HS3ST4: variants seen among roughly 807,000 people sequenced by gnomAD.
The protein encoded by HS3ST4 is heparan sulfate-glucosamine 3-sulfotransferase 4.
HS3ST4 carries 17 observed loss-of-function variants against 29.2 expected under a neutral mutation model. The ratio of observed to expected loss-of-function variants is 0.58; its 90% CI spans 0.40 to 0.87. HS3ST4 has a LOEUF of 0.87. Among genes scored for constraint, HS3ST4 ranks in the 40% least tolerant of loss-of-function variants. The pLI is 0.00. For synonymous variants in HS3ST4, 314 were observed against 285.7 expected (o/e 1.10, Z -1.00); for missense variants, 627 against 634.5 (o/e 0.99, Z 0.13).
chr16:26,006,300 G>GAAAAAAAAAA (rs11461863), intron 1 of HS3ST4, among the ~76,000 whole-genome samples: 1 of 68,668 alleles, frequency 1.5e-5, no homozygotes, highest in African/African-American at 6.1e-5. Flanking sequence ...CTCTGTTTCA[G>GAAAAAAAAAA]AAAAAAAAAA....
At chr16:26,066,911 T>C (rs1321976032) in intron 1 of HS3ST4, among the ~76,000 whole-genome samples, 2 of 152,196 alleles carry the variant, frequency 1.3e-5, no homozygotes, top group Non-Finnish European at 2.9e-5. Flanking sequence ...TGGGGTTGTG[T>C]AGGCATCAGC....
chr16:25,757,136 A>C (rs148735435), intron 1 of HS3ST4, among the ~76,000 whole-genome samples: 2,912 of 152,256 alleles, frequency 0.019, 45 homozygotes, highest in Admixed American at 0.036. Context: ...CACTGTTTAC[A>C]TAGATATCAT....
intron 1 of HS3ST4, among the ~76,000 whole-genome samples, chr16:25,756,511 A>C (rs1238248743): frequency 1.3e-5 from 2 of 152,236 alleles, no homozygotes; most frequent in African/African-American, 4.8e-5. Flanking sequence ...TAGACTGTGC[A>C]TGAAAGTGAT....
At chr16:26,051,285 A>C (rs1898342718) in intron 1 of HS3ST4, among the ~76,000 whole-genome samples, 2 of 151,982 alleles carry the variant, frequency 1.3e-5, no homozygotes, top group Admixed American at 1.3e-4. Flanking sequence ...TACCCTGCAA[A>C]CCTCAAGCAG....
intron 1 of HS3ST4, among the ~76,000 whole-genome samples, chr16:25,996,385 A>C (rs1969159385): frequency 6.6e-6 from 1 of 152,214 alleles, no homozygotes; most frequent in Non-Finnish European, 1.5e-5. Flanking sequence ...TATAATTTTA[A>C]ATTATAACCT....
At position 25,828,285 on chromosome 16, in the gene HS3ST4, TTTCTTTCTTTCTTTCC is replaced by T. The variant is rs1364923815; in HGVS notation, c.734+135135_734+135150del. On this transcript the variant is annotated intron_variant, in intron 1 of 1. Coordinates refer to ENST00000331351, the MANE Select transcript of HS3ST4 (RefSeq NM_006040.3). Reference sequence around the variant, plus strand: ...CTTTCTTTCTTTCTTTCTTTCTTTCTTTCTTTCTTTCTTTCCCTCTCTCTCTCTCTCTCTCTCTCTC... The same window carrying T: ...CTTTCTTTCTTTCTTTCTTTCTTTCTCTCTCTCTCTCTCTCTCTCTCTCTC... 2.4e-3 allele frequency among the ~76,000 whole-genome samples: 231 copies of T among 97,050 alleles called. 8 individuals are homozygous for T. Among genetic ancestry groups the T allele is most frequent in the African/African-American group, 8.8e-3 (200 of 22,784 alleles). 63.7% of individuals were successfully genotyped at this position (97,050 alleles called of 152,430 possible).
chr16:26,077,841 C>T (rs112180696), intron 1 of HS3ST4, among the ~76,000 whole-genome samples: 7,469 of 152,322 alleles, frequency 0.049, 266 homozygotes, highest in Middle Eastern at 0.12. Context: ...GAATCTGAAG[C>T]AGGAGGATTG....
intron 1 of HS3ST4, among the ~76,000 whole-genome samples, chr16:25,719,432 T>C (rs1161173727): frequency 6.6e-6 from 1 of 152,222 alleles, no homozygotes; most frequent in African/African-American, 2.4e-5. Flanking sequence ...TTGAATACTT[T>C]TGGCTGTAAG....
chr16:26,078,085 G>T (rs1225027160), intron 1 of HS3ST4, among the ~76,000 whole-genome samples: 2 of 152,162 alleles, frequency 1.3e-5, no homozygotes, highest in Non-Finnish European at 2.9e-5. Context: ...GTAAAAAAAT[G>T]AACAGTGTCT....
At chr16:25,936,016 C>T (rs374219521) in intron 1 of HS3ST4, among the ~76,000 whole-genome samples, 1 of 152,148 alleles carries the variant, frequency 6.6e-6, no homozygotes, top group Non-Finnish European at 1.5e-5. Flanking sequence ...AAGCCATCCT[C>T]TTATCTTGGC....
rs148061370 is a variant in HS3ST4, at chr16:25,924,154, C to T, written c.735-211458C>T. Among the ~76,000 whole-genome samples, 68 of 152,268 alleles carry T rather than the reference C, an allele frequency of 4.5e-4. No individual in the cohort carries two copies. The East Asian group carries it at 0.01, about 22-fold the overall frequency. ...CACTGTCTCAGTTAAATGATGTAAA[C>T]GGCCGTTTAGTTGTTCAGTCCAAAT... On this transcript the variant is annotated intron_variant, in intron 1 of 1. Transcript: ENST00000331351.
intron 1 of HS3ST4, among the ~76,000 whole-genome samples, chr16:26,002,812 A>G (rs1229340764): frequency 6.7e-6 from 1 of 149,966 alleles, no homozygotes; most frequent in Admixed American, 6.6e-5. Context: ...GGAAAGAAAG[A>G]AAAAAGAAAG....
chr16:25,738,195 C>T (rs909758820), intron 1 of HS3ST4, among the ~76,000 whole-genome samples: 9 of 152,178 alleles, frequency 5.9e-5, no homozygotes, highest in African/African-American at 1.4e-4. Flanking sequence ...TGACCTACCA[C>T]GCCCAGCCGA....
intron 1 of HS3ST4, among the ~76,000 whole-genome samples, chr16:26,078,564 G>C (rs1159263366): frequency 6.6e-6 from 1 of 152,200 alleles, no homozygotes; most frequent in Non-Finnish European, 1.5e-5. Flanking sequence ...AGGATTGGCT[G>C]CTTTGATTTA....
intron 1 of HS3ST4, among the ~76,000 whole-genome samples, chr16:25,749,910 G>A (rs561468776): frequency 1.3e-5 from 2 of 152,250 alleles, no homozygotes; most frequent in Non-Finnish European, 2.9e-5. Context: ...AGTAACAGTA[G>A]GTGTTTATAA....
At chr16:25,913,616 C>T (rs1468251930) in intron 1 of HS3ST4, among the ~76,000 whole-genome samples, 1 of 152,192 alleles carries the variant, frequency 6.6e-6, no homozygotes, top group Non-Finnish European at 1.5e-5. Flanking sequence ...GACATGTTAA[C>T]TCTTGAAAGG....
At chr16:25,727,416 C>A (rs73524775) in intron 1 of HS3ST4, among the ~76,000 whole-genome samples, 2,017 of 152,070 alleles carry the variant, frequency 0.013, 21 homozygotes, top group Middle Eastern at 0.031. Context: ...CCATGAATTT[C>A]CCTTTAAAAA....
At chr16:26,135,316 G>A (rs1024049027) in intron 1 of HS3ST4, among the ~76,000 whole-genome samples, 7 of 152,172 alleles carry the variant, frequency 4.6e-5, no homozygotes, top group South Asian at 2.1e-4. Flanking sequence ...CAACTAATAC[G>A]TAGAGAAATC....
chr16:25,709,195 C>T (rs1033146345), intron 1 of HS3ST4, among the ~76,000 whole-genome samples: 1 of 152,046 alleles, frequency 6.6e-6, no homozygotes, highest in African/African-American at 2.4e-5. Context: ...AACTTCTCTC[C>T]TTGTGGCTGT....
Sources: allele counts gnomAD v4.1 joint callset (sites outside exome capture counted in the v4.1 genomes callset), GRCh38; gene constraint gnomAD v4.1.1; transcripts MANE v1.5; gene names NCBI Gene and HGNC (gene_info 2026-07-23, HGNC 2026-07-21).